FHIP1A: variants seen among roughly 807,000 people sequenced by gnomAD.
The protein encoded by FHIP1A is FHF complex subunit HOOK-interacting protein 1A.
In FHIP1A, 61 loss-of-function variants were observed where a neutral mutation model predicts 88.6. The ratio of observed to expected loss-of-function variants is 0.69; its 90% CI spans 0.56 to 0.85. FHIP1A has a LOEUF of 0.85. Among genes scored for constraint, FHIP1A ranks in the 40% least tolerant of loss-of-function variants. The pLI, the probability that FHIP1A is intolerant of heterozygous loss-of-function variation, is 0.00. For missense variants in FHIP1A, 1,154 were observed against 1,273.5 expected (o/e 0.91, Z 1.43); for synonymous variants, 478 against 496.0 (o/e 0.96, Z 0.48).
chr4:151,538,240 T>C (rs906295826), intron 3 of FHIP1A, among the ~76,000 whole-genome samples: 2 of 152,206 alleles, frequency 1.3e-5, no homozygotes, highest in Non-Finnish European at 2.9e-5. Context: ...TGTTTCTTAA[T>C]CTCTCCTTTC....
Position 151,650,085 on chromosome 4 carries a change from G to C in FHIP1A, c.2044G>C (p.Gly682Arg). The C allele has an allele frequency of 6.4e-7, 1 of 1,551,642 alleles. No individual in the cohort carries two copies. Among genetic ancestry groups the C allele is most frequent in the South Asian group, 1.2e-5 (1 of 84,040 alleles). Residue 682 changes from glycine to arginine, a missense_variant, in exon 11 of 14, where the codon GGC (glycine) becomes CGC (arginine). By Grantham distance (125) the Gly-to-Arg change is moderately radical. Coordinates refer to ENST00000435205, the MANE Select transcript of FHIP1A (RefSeq NM_001109977.3). The stretch of plus-strand genomic sequence containing the variant: ...AGTTCAGAGTGTCCCCATCAACAAC[G>C]GCCCCCTCCTCAGCACCCAGCCAGA... ...AEVQSVPINN[G>R]PLLSTQPETD...
intron 7 of FHIP1A, among the ~76,000 whole-genome samples, chr4:151,625,474 A>G (rs1735917843): frequency 6.6e-6 from 1 of 152,216 alleles, no homozygotes; most frequent in Non-Finnish European, 1.5e-5. Context: ...ACCTGCCATT[A>G]CAGGGAGGAT....
intron 6 of FHIP1A, among the ~76,000 whole-genome samples, chr4:151,588,086 C>CAGGGAAATTATATTATT (rs1210804330): frequency 6.6e-6 from 1 of 151,900 alleles, no homozygotes; most frequent in East Asian, 1.9e-4. Flanking sequence ...ATGGTAAGAA[C>CAGGGAAATTATATTATT]AGGGAAATTA....
chr4:151,622,440 T>C (rs1560804939), intron 7 of FHIP1A, among the ~76,000 whole-genome samples: 1 of 152,318 alleles, frequency 6.6e-6, no homozygotes, highest in Admixed American at 6.5e-5. Context: ...CGTGGGTGTC[T>C]GTGTTTTGGC....
intron 2 of FHIP1A, among the ~76,000 whole-genome samples, chr4:151,473,970 C>G (rs1377559202): frequency 6.6e-6 from 1 of 152,184 alleles, no homozygotes; most frequent in African/African-American, 2.4e-5. Flanking sequence ...TAAGTGAAGG[C>G]AATGCAATTT....
rs773850578 is a variant in FHIP1A at position 151,646,576 on chromosome 4, T to A, written c.1245T>A (p.Asn415Lys). 1 of 1,551,428 alleles carries A rather than the reference T, an allele frequency of 6.4e-7. No homozygotes were observed. Among genetic ancestry groups the A allele is most frequent in the South Asian group, 1.2e-5 (1 of 84,036 alleles). The part of the protein sequence containing the change: ...QLVLRYLIPC[N>K]HMMLSQRWAV... ...ATTCTAGGTATCTGATCCCCTGCAA[T>A]CACATGATGCTGAGTCAGAGGTGGG... The change falls in exon 10 of 14, where the codon AAT becomes AAA. Residue 415 changes from asparagine to lysine, a missense_variant. Physicochemically the swap from Asn to Lys is moderately conservative, Grantham distance 94. Coordinates refer to ENST00000435205, the MANE Select transcript of FHIP1A (RefSeq NM_001109977.3).
chr4:151,433,625 G>A (rs1733681788), intron 1 of FHIP1A, among the ~76,000 whole-genome samples: 1 of 152,156 alleles, frequency 6.6e-6, no homozygotes, highest in Admixed American at 6.5e-5. Context: ...CTAAGGGCAT[G>A]GGAGTGGAGG....
At chr4:151,651,111 TG>T (rs1737015049) in intron 11 of FHIP1A, among the ~76,000 whole-genome samples, 1 of 152,184 alleles carries the variant, frequency 6.6e-6, no homozygotes, top group African/African-American at 2.4e-5. Context: ...TGGGGTTAGC[TG>T]TGCCTTTGCC....
At chr4:151,573,174 T>G (rs901661265) in intron 4 of FHIP1A, among the ~76,000 whole-genome samples, 24 of 152,350 alleles carry the variant, frequency 1.6e-4, no homozygotes, top group African/African-American at 5.5e-4. Flanking sequence ...TTTAAGAGCA[T>G]TGTTCACACT....
intron 3 of FHIP1A, among the ~76,000 whole-genome samples, chr4:151,505,464 C>T (rs1730801666): frequency 6.6e-6 from 1 of 152,160 alleles, no homozygotes; most frequent in South Asian, 2.1e-4. Flanking sequence ...TATCATCGAC[C>T]CCTTCCATGC....
At chr4:151,428,718 ACT>A (rs1376118502) in intron 1 of FHIP1A, among the ~76,000 whole-genome samples, 3 of 151,882 alleles carry the variant, frequency 2.0e-5, no homozygotes, top group Non-Finnish European at 4.4e-5. Context: ...TCTCTCACTA[ACT>A]CTCAATACTT....
chr4:151,451,269 A>G (rs1443103798), intron 1 of FHIP1A, among the ~76,000 whole-genome samples: 3 of 152,052 alleles, frequency 2.0e-5, no homozygotes, highest in African/African-American at 7.2e-5. Flanking sequence ...TATTTTTCCC[A>G]GGTTACCTTT....
chr4:151,613,198 A>G (rs1051868558), intron 7 of FHIP1A, among the ~76,000 whole-genome samples: 5 of 152,206 alleles, frequency 3.3e-5, no homozygotes, highest in Admixed American at 2.6e-4. Context: ...CCTAGTTGGG[A>G]ATTAGTCAAA....
intron 5 of FHIP1A, among the ~76,000 whole-genome samples, chr4:151,580,911 G>A (rs958012775): frequency 6.6e-6 from 1 of 152,188 alleles, no homozygotes; most frequent in African/African-American, 2.4e-5. Context: ...AGGCTGGAGT[G>A]CAGTGGTGCG....
chr4:151,509,424 C>G (rs2126675216), intron 3 of FHIP1A, among the ~76,000 whole-genome samples: 1 of 152,254 alleles, frequency 6.6e-6, no homozygotes, highest in Non-Finnish European at 1.5e-5. Flanking sequence ...CTCAGCCTCC[C>G]AAAGTGCTGG....
chr4:151,433,493 G>A (rs1733671848), intron 1 of FHIP1A, among the ~76,000 whole-genome samples: 1 of 152,018 alleles, frequency 6.6e-6, no homozygotes, highest in Non-Finnish European at 1.5e-5. Flanking sequence ...GATTTAGGAG[G>A]ACAGACTACT....
rs568440629 is a variant in FHIP1A, at chr4:151,538,068, A to G, written c.-122-28070A>G. On this transcript the variant is annotated intron_variant, in intron 3 of 13. Coordinates refer to ENST00000435205, the MANE Select transcript of FHIP1A (RefSeq NM_001109977.3). The stretch of plus-strand genomic sequence containing the variant: ...AGGGATAAATGACTTTAACTGAGTC[A>G]GAAGCAGCAAACTTTGAGGGGTTTG... 1.8e-4 allele frequency among the ~76,000 whole-genome samples: 27 copies of G among 152,320 alleles called. 2 individuals are homozygous for G. The South Asian group carries it at 5.4e-3, about 30-fold the overall frequency.
intron 11 of FHIP1A, among the ~76,000 whole-genome samples, chr4:151,650,895 G>A (rs2126914252): frequency 6.6e-6 from 1 of 152,294 alleles, no homozygotes; most frequent in Admixed American, 6.5e-5. Context: ...CTTATTTAAT[G>A]ACTTCATTTA....
chr4:151,640,557 A>G (rs1054372377), intron 9 of FHIP1A, among the ~76,000 whole-genome samples: 1 of 152,232 alleles, frequency 6.6e-6, no homozygotes, highest in African/African-American at 2.4e-5. Flanking sequence ...ACAACTTGGC[A>G]AAGCCGTTTT....
Sources: gnomAD v4.1 joint callset for allele counts (sites outside exome capture counted in the v4.1 genomes callset) on GRCh38, gnomAD v4.1.1 for gene constraint, MANE v1.5 for transcripts, NCBI Gene and HGNC (gene_info 2026-07-23, HGNC 2026-07-21) for gene names.